Variants in GUCY2D observed in about 807,000 individuals in gnomAD.
The protein encoded by GUCY2D is guanylate cyclase 2D, retinal, also known as retinal guanylyl cyclase 1.
A neutral mutation model predicts 101.3 loss-of-function variants in GUCY2D; 70 were observed. The ratio of observed to expected loss-of-function variants is 0.69; its 90% CI spans 0.57 to 0.84. GUCY2D has a LOEUF of 0.84. GUCY2D is among the 40% of genes least tolerant of loss of function. The pLI, the probability that GUCY2D is intolerant of heterozygous loss-of-function variation, is 0.00. For missense variants in GUCY2D, 1,460 were observed against 1,542.5 expected (o/e 0.95, Z 0.90); for synonymous variants, 688 against 670.7 (o/e 1.03, Z -0.40).
In GUCY2D at chr17:8,002,748, G is replaced by T. The variant is rs1975648545; in HGVS notation, c.-10+14G>T. ...CCGGACTTCCCTGTAAATGTCAGAGGCCCCTCCGCTGGGATAGGGTCGGTC... is the reference window on the plus strand; with the variant it reads ...CCGGACTTCCCTGTAAATGTCAGAGTCCCCTCCGCTGGGATAGGGTCGGTC... On this transcript the variant is annotated intron_variant, in intron 1 of 19. Transcript: ENST00000254854. This position sits in a 1 kb window ranked among gnomAD's most constrained non-coding sequence, Gnocchi z 4.9. 2.7e-6 allele frequency: 1 copy of T among 376,666 alleles called. No individual in the cohort carries two copies. The allele number at this position is 376,666 out of a possible 1,614,324, so 23.3% of individuals were successfully genotyped here.
At chr17:8,006,216 GA>G in intron 3 of GUCY2D, 146 bp from the exon 4 acceptor site, 1 of 703,714 alleles carries the variant, frequency 1.4e-6, no homozygotes. Flanking sequence ...GGGGAGGGAG[GA>G]AGAGATAGCC....
chr17:8,007,579 G>T, intron 6 of GUCY2D, 51 bp downstream of exon 6: 3 of 1,233,066 alleles, frequency 2.4e-6, no homozygotes, highest in Non-Finnish European at 2.4e-6. Flanking sequence ...CGTAAATTTG[G>T]TTCCTTCCCT....
At position 8,013,770 on chromosome 17, in the gene GUCY2D, C is replaced by G. The variant is rs771112679; in HGVS notation, c.2264-110C>G. On this transcript the variant is annotated intron_variant, in intron 11 of 19. Coordinates refer to ENST00000254854, the MANE Select transcript of GUCY2D (RefSeq NM_000180.4). This position sits in a 1 kb window ranked among gnomAD's most constrained non-coding sequence, Gnocchi z 5.0. ...CACTGAACCTCTGATGTAAAGAAAC[C>G]CCTGCCAGGCACCCCCTCCCACATC... The G allele has an allele frequency of 1.0e-5, 9 of 858,656 alleles. No individual in the cohort carries two copies. Among genetic ancestry groups the G allele is most frequent in the Admixed American group, 1.8e-5 (1 of 56,424 alleles). The allele number at this position is 858,656 out of a possible 1,614,324, so 53.2% of individuals were successfully genotyped here. A position where few individuals can be genotyped will look rare whatever the true frequency, so the allele number is the denominator to read the frequency against.
In GUCY2D at chr17:8,015,854, G is replaced by A. The variant is rs969256405; in HGVS notation, c.3043+13G>A. 1 of 1,608,134 alleles carries A rather than the reference G, an allele frequency of 6.2e-7. No homozygotes were observed. Among genetic ancestry groups the A allele is most frequent in the Non-Finnish European group, 8.5e-7 (1 of 1,176,578 alleles). ...TCCACCGGGCTGCGTGAGTGTGACGGGGACAAGACGGGGAGGTGGGAGGGG... is the reference window on the plus strand; with the variant it reads ...TCCACCGGGCTGCGTGAGTGTGACGAGGACAAGACGGGGAGGTGGGAGGGG... On this transcript the variant is annotated intron_variant, in intron 16 of 19. Transcript: ENST00000254854.
In GUCY2D at chr17:8,014,260, A is replaced by G. The variant is rs1975917060; in HGVS notation, c.2412+232A>G. On this transcript the variant is annotated intron_variant, in intron 12 of 19. Transcript: ENST00000254854. This position sits in a 1 kb window ranked among gnomAD's most constrained non-coding sequence, Gnocchi z 4.0. The stretch of plus-strand genomic sequence containing the variant: ...TCTGGGTGGGAGGAATATTCAATTC[A>G]ATTCAAATAACACTGATTGAGAACC... 1 of 612,070 alleles carries G rather than the reference A, an allele frequency of 1.6e-6. No homozygotes were observed. 37.9% of individuals were successfully genotyped at this position (612,070 alleles called of 1,614,324 possible). A position where few individuals can be genotyped will look rare whatever the true frequency, so the allele number is the denominator to read the frequency against.
Position 8,013,940 on chromosome 17 carries a change from A to G in GUCY2D, c.2324A>G (p.Gln775Arg), listed in dbSNP as rs750967765. Residue 775 changes from glutamine to arginine, a missense_variant, in exon 12 of 20, where the codon CAG (glutamine) becomes CGG (arginine). This residue lies in a region of GUCY2D where 1,196 missense variants were observed against 1,229.6 expected (regional missense o/e 0.97). Transcript: ENST00000254854. The surrounding 1 kb of genome is among the most constrained non-coding windows in gnomAD (Gnocchi z 5.0). The part of the protein sequence containing the change: ...PLCRPLVSMD[Q>R]APVECILLMK... ...TGTCGGCCCTTGGTGTCCATGGACC[A>G]GGCACCTGTCGAGTGTATCCTCCTG... 2.5e-6 allele frequency: 4 copies of G among 1,613,386 alleles called. No individual in the cohort carries two copies. The South Asian group carries it at 4.4e-5, about 18-fold the overall frequency.
At position 8,013,984 on chromosome 17, in the gene GUCY2D, G is replaced by A; in HGVS notation, c.2368G>A (p.Glu790Lys). 6.2e-7 allele frequency: 1 copy of A among 1,613,832 alleles called. No individual in the cohort carries two copies. The highest frequency in any genetic ancestry group is 8.5e-7 in the Non-Finnish European group (1 of 1,179,896). ...CILLMKQCWA[E>K]QPELRPSMDH... ...CCTCCTGATGAAGCAGTGCTGGGCA[G>A]AGCAGCCGGAACTTCGGCCCTCCAT... Residue 790 changes from glutamate (E) to lysine (K), a missense_variant, in exon 12 of 20, where the codon GAG becomes AAG. By Grantham distance (56) the Glu-to-Lys change is moderately conservative. This residue lies in a region of GUCY2D where 1,196 missense variants were observed against 1,229.6 expected (regional missense o/e 0.97). Transcript: ENST00000254854. The surrounding 1 kb of genome is among the most constrained non-coding windows in gnomAD (Gnocchi z 5.0).
intron 8 of GUCY2D, among the ~76,000 whole-genome samples, chr17:8,010,252 G>T (rs1242751284): frequency 6.6e-6 from 1 of 152,146 alleles, no homozygotes; most frequent in Non-Finnish European, 1.5e-5. Context: ...AATAAAAAAT[G>T]AGTTTCCGGT....
chr17:8,003,012 C>G, intron 1 of GUCY2D, 27 bp from the exon 2 acceptor site: 1 of 1,517,984 alleles, frequency 6.6e-7, no homozygotes, highest in Non-Finnish European at 8.8e-7. Context: ...GTCTCAGTCG[C>G]TCAGCCTGCT....
In GUCY2D at chr17:8,003,471, G is replaced by A. The variant is rs1188695303; in HGVS notation, c.424G>A (p.Glu142Lys). 7.9e-6 allele frequency: 12 copies of A among 1,522,968 alleles called. No individual in the cohort carries two copies. Among genetic ancestry groups the A allele is most frequent in the African/African-American group, 1.4e-5 (1 of 71,150 alleles). The allele number at this position is 1,522,968 out of a possible 1,614,324, so 94.3% of individuals were successfully genotyped here. Reference sequence around the variant, plus strand: ...CCGGCCAGCCGAGCTGCTCGCCGAAGAAGCCGGGATCGCGCTGGTGCCCTG... The same window carrying A: ...CCGGCCAGCCGAGCTGCTCGCCGAAAAAGCCGGGATCGCGCTGGTGCCCTG... ...ACRPAELLAEEAGIALVPWGC... is the reference protein window; with the variant it reads ...ACRPAELLAEKAGIALVPWGC... Residue 142 changes from glutamate (E) to lysine (K), a missense_variant, in exon 2 of 20, where the codon GAA becomes AAA. Around this residue, in one of 3 missense-constraint regions of GUCY2D, gnomAD observed 1,196 missense variants for 1,229.6 expected, o/e 0.97. Transcript: ENST00000254854.
rs1975866975 is a variant in GUCY2D at position 8,012,285 on chromosome 17, C to G, written c.1891C>G (p.Leu631Val). ...CACGCGGGGCTCTCTTCAGGACCTCCTCGCTCAGAGAGAAATAAAGCTGGA... is the reference window on the plus strand; with the variant it reads ...CACGCGGGGCTCTCTTCAGGACCTCGTCGCTCAGAGAGAAATAAAGCTGGA... ...HCTRGSLQDL[L>V]AQREIKLDWM... Residue 631 changes from leucine (L) to valine (V), a missense_variant, in exon 9 of 20, where the codon CTC (leucine) becomes GTC (valine). This residue lies in a region of GUCY2D where 1,196 missense variants were observed against 1,229.6 expected (regional missense o/e 0.97). Transcript: ENST00000254854. 3 of 1,614,012 alleles carry G rather than the reference C, an allele frequency of 1.9e-6. No homozygotes were observed. Among genetic ancestry groups the G allele is most frequent in the Middle Eastern group, 3.3e-4 (2 of 6,062 alleles).
chr17:8,015,948 T>G lies in GUCY2D; in HGVS notation c.3065T>G (p.Leu1022Trp), dbSNP rs866511152. 23 of 1,611,346 alleles carry G rather than the reference T, an allele frequency of 1.4e-5. No individual in the cohort carries two copies. The highest frequency in any genetic ancestry group is 1.9e-5 in the Non-Finnish European group (22 of 1,178,794). ...ACAGCTTACCGCATCCACGTGAACT[T>G]GAGCACTGTGGGGATTCTCCGTGCT... ...TGLPYRIHVN[L>W]STVGILRALD... Residue 1022 changes from leucine to tryptophan, a missense_variant, in exon 17 of 20, where the codon TTG becomes TGG. Transcript: ENST00000254854.
intron 18 of GUCY2D, 41 bp downstream of exon 18, chr17:8,016,331 C>A (rs971137344): frequency 2.1e-6 from 3 of 1,456,554 alleles, no homozygotes; most frequent in South Asian, 1.2e-5. Flanking sequence ...GGACGAGGGA[C>A]CCCTGCCTCC....
rs746058533 is a variant in GUCY2D, at chr17:8,013,884, G to C, written c.2268G>C (p.Val756=). The C allele has an allele frequency of 9.9e-6, 16 of 1,613,256 alleles. No individual in the cohort carries two copies. The highest frequency in any genetic ancestry group is 1.4e-5 in the Non-Finnish European group (16 of 1,179,392). ...YAMLELTPEE[V]VQRVRSPPPL... is the part of the protein sequence containing the mutation. ...ACTGTCCCCTCATGCCTCCAGAAGT[G>C]GTGCAGAGGGTGCGGAGCCCCCCTC... The change falls in exon 12 of 20, where the codon GTG becomes GTC. Residue 756 remains valine (V), a synonymous_variant. Transcript: ENST00000254854. This position sits in a 1 kb window ranked among gnomAD's most constrained non-coding sequence, Gnocchi z 5.0.
At chr17:8,018,709 C>G (rs1227357345) in intron 19 of GUCY2D, among the ~76,000 whole-genome samples, 2 of 152,150 alleles carry the variant, frequency 1.3e-5, no homozygotes, top group African/African-American at 4.8e-5. Flanking sequence ...CCACTCCCCA[C>G]AGACTCCGAG....
chr17:8,012,711 C>A, intron 10 of GUCY2D, 105 bp downstream of exon 10: 1 of 897,298 alleles, frequency 1.1e-6, no homozygotes, highest in Admixed American at 1.9e-5. Context: ...CTTCATCCCA[C>A]ATCCACCAGA....
intron 18 of GUCY2D, 33 bp from the exon 19 acceptor site, chr17:8,016,410 C>T (rs1975977255): frequency 2.0e-6 from 3 of 1,504,214 alleles, no homozygotes; most frequent in Non-Finnish European, 2.7e-6. Flanking sequence ...CGCCCCATTC[C>T]CCTTCCCTGA....
In GUCY2D at chr17:8,014,561, C is replaced by G. The variant is rs1975922706; in HGVS notation, c.2413-40C>G. On this transcript the variant is annotated intron_variant, in intron 12 of 19. Coordinates refer to ENST00000254854, the MANE Select transcript of GUCY2D (RefSeq NM_000180.4). The surrounding 1 kb of genome is among the most constrained non-coding windows in gnomAD (Gnocchi z 4.0). ...GGGGCATAAAGAGGGCATGGCAACCCAGGTCTTCAGCAGCTTTACCAGCTT... is the reference window on the plus strand; with the variant it reads ...GGGGCATAAAGAGGGCATGGCAACCGAGGTCTTCAGCAGCTTTACCAGCTT... 5 of 1,608,756 alleles carry G rather than the reference C, an allele frequency of 3.1e-6. No individual in the cohort carries two copies. In the African/African-American group the frequency reaches 5.3e-5, roughly 17 times the overall value.
chr17:8,019,229 C>A (rs531217355), intron 19 of GUCY2D, among the ~76,000 whole-genome samples: 1 of 152,120 alleles, frequency 6.6e-6, no homozygotes, highest in African/African-American at 2.4e-5. Flanking sequence ...CTCCCGTACC[C>A]GACCCTGCAG....
Sources: allele counts gnomAD v4.1 joint callset (sites outside exome capture counted in the v4.1 genomes callset), GRCh38; gene constraint gnomAD v4.1.1; regional missense constraint gnomAD v4.1.1; non-coding constraint Gnocchi (gnomAD v3.1); transcripts MANE v1.5; gene names NCBI Gene and HGNC (gene_info 2026-07-23, HGNC 2026-07-21).